SLC6A5: variants seen among roughly 807,000 people sequenced by gnomAD.
SLC6A5 encodes sodium- and chloride-dependent glycine transporter 2.
In SLC6A5, 58 loss-of-function variants were observed where a neutral mutation model predicts 90.5. That is an observed-to-expected ratio of 0.64 (90% CI 0.52 to 0.80). SLC6A5 has a LOEUF of 0.80. Ranked by LOEUF, SLC6A5 falls within the 30% of genes least tolerant of loss-of-function variation. SLC6A5 has a pLI of 0.00. For synonymous variants in SLC6A5, 427 were observed against 401.4 expected, an observed-to-expected ratio of 1.06 and a Z score of -0.76; for missense variants, 1,015 against 1,017.6, an observed-to-expected ratio of 1.00 and a Z score of 0.03.
intron 3 of SLC6A5, among the ~76,000 whole-genome samples, chr11:20,605,168 G>A (rs7123437): frequency 0.97 from 147,084 of 152,186 alleles, 71,295 homozygotes; most frequent in East Asian, 1. Context: ...CCCAGCGTTT[G>A]GGTGCCGCGG....
chr11:20,652,176 G>T, intron 14 of SLC6A5, 113 bp from the exon 15 acceptor site: 2 of 949,862 alleles, frequency 2.1e-6, no homozygotes, highest in Non-Finnish European at 3.4e-6. Context: ...TCTTTCGTGG[G>T]TATAGAATAA....
rs1852422215 is a variant in SLC6A5, at chr11:20,599,759, A to G, written c.3+84A>G. On this transcript the variant is annotated intron_variant, in intron 1 of 15. Transcript: ENST00000525748. ...GATTCGTTTTGGCTATTTCTTTTGGAGATGTCTGTGCATTGGGTGGGGGGA... is the reference window on the plus strand; with the variant it reads ...GATTCGTTTTGGCTATTTCTTTTGGGGATGTCTGTGCATTGGGTGGGGGGA... The G allele has an allele frequency of 4.6e-6, 7 of 1,523,916 alleles. No homozygotes were observed. In the East Asian group the frequency reaches 1.6e-4, roughly 34 times the overall value. The allele number at this position is 1,523,916 out of a possible 1,614,324, so 94.4% of individuals were successfully genotyped here. A position where few individuals can be genotyped will look rare whatever the true frequency, so the allele number is the denominator to read the frequency against.
intron 7 of SLC6A5, among the ~76,000 whole-genome samples, chr11:20,618,598 G>T (rs1852828154): frequency 6.6e-6 from 1 of 152,158 alleles, no homozygotes; most frequent in South Asian, 2.1e-4. Flanking sequence ...GGGCATTGTT[G>T]TAGGGGTCAC....
At chr11:20,649,279 GGGAAGTAA>G (rs1853479092) in intron 14 of SLC6A5, among the ~76,000 whole-genome samples, 1 of 152,162 alleles carries the variant, frequency 6.6e-6, no homozygotes, top group Non-Finnish European at 1.5e-5. Flanking sequence ...TGTGTTGGCT[GGGAAGTAA>G]GGACAATGAG....
chr11:20,616,527 T>C lies in SLC6A5; in HGVS notation c.1128-1225T>C, dbSNP rs145294203. On this transcript the variant is annotated intron_variant, in intron 6 of 15. Coordinates refer to ENST00000525748, the MANE Select transcript of SLC6A5 (RefSeq NM_004211.5). ...TGTTTGAGGTCCTACAATTGAAGCA[T>C]GGAGCAGTTGAGATGGCTAAGTCAT... 1.4e-3 allele frequency among the ~76,000 whole-genome samples: 220 copies of C among 152,338 alleles called. 1 individual carries two copies. The highest frequency in any genetic ancestry group is 5.1e-3 in the African/African-American group (211 of 41,566).
At chr11:20,650,552 G>C (rs1853504721) in intron 14 of SLC6A5, among the ~76,000 whole-genome samples, 1 of 151,922 alleles carries the variant, frequency 6.6e-6, no homozygotes. Context: ...TTATGGCAGG[G>C]AAGTCTGTGA....
rs138843277 is a variant in SLC6A5, at chr11:20,636,024, G to A, written c.1625-283G>A. 1.3e-4 allele frequency among the ~76,000 whole-genome samples: 20 copies of A among 152,288 alleles called. 2 individuals carry two copies. The highest frequency in any genetic ancestry group is 2.2e-4 in the African/African-American group (9 of 41,548). Reference sequence around the variant, plus strand: ...TATGTACATGGTACACAGCCTAGCCGTGGAGTCCAGTAGAGTTGCCTCTGA... The same window carrying A: ...TATGTACATGGTACACAGCCTAGCCATGGAGTCCAGTAGAGTTGCCTCTGA... On this transcript the variant is annotated intron_variant, in intron 10 of 15. Coordinates refer to ENST00000525748, the MANE Select transcript of SLC6A5 (RefSeq NM_004211.5).
At chr11:20,627,888 G>A (rs1853029644) in intron 8 of SLC6A5, 92 bp from the exon 9 acceptor site, 1 of 898,808 alleles carries the variant, frequency 1.1e-6, no homozygotes, top group Admixed American at 1.8e-5. Flanking sequence ...TGTTTCCCCT[G>A]GAAACATGAT....
At chr11:20,652,268 G>A (rs760132447) in intron 14 of SLC6A5, 21 bp from the exon 15 acceptor site, 2 of 1,613,360 alleles carry the variant, frequency 1.2e-6, no homozygotes, top group African/African-American at 2.7e-5. Flanking sequence ...CCTAACACGT[G>A]TGTCACTTTT....
At chr11:20,636,915 G>C (rs1853218561) in intron 11 of SLC6A5, among the ~76,000 whole-genome samples, 1 of 152,090 alleles carries the variant, frequency 6.6e-6, no homozygotes, top group African/African-American at 2.4e-5. Flanking sequence ...AACTTAAACT[G>C]TCCTAATGGG....
rs68111718 is a variant in SLC6A5 at position 20,618,945 on chromosome 11, G to GACACACACACACACACACAC, written c.1260+1077_1260+1096dup. Reference sequence around the variant, plus strand: ...GACAGAGTGAGATCCTGTCCCGCCCGACACACACACACACACACACACACA... The same window carrying GACACACACACACACACACAC: ...GACAGAGTGAGATCCTGTCCCGCCCGACACACACACACACACACACACACACACACACACACACACACACA... On this transcript the variant is annotated intron_variant, in intron 7 of 15. Coordinates refer to ENST00000525748, the MANE Select transcript of SLC6A5 (RefSeq NM_004211.5). Among the ~76,000 whole-genome samples, 556 of 148,754 alleles carry GACACACACACACACACACAC rather than the reference G, an allele frequency of 3.7e-3. 4 individuals carry two copies. The highest frequency in any genetic ancestry group is 7.1e-3 in the Middle Eastern group (2 of 280).
rs1853652756 is a variant in SLC6A5 at position 20,657,604 on chromosome 11, C to G, written c.*2736C>G. 6.6e-6 allele frequency: 1 copy of G among 152,176 alleles called. No homozygotes were observed. The highest frequency in any genetic ancestry group is 2.1e-4 in the South Asian group (1 of 4,826). 9.4% of individuals were successfully genotyped at this position (152,176 alleles called of 1,614,324 possible). ...AATGAATAACATTGTTAGAAACTGG[C>G]ACCTGAAAACTTCCCTTCAAAGTGG... is the stretch of plus-strand genomic sequence containing the variant. On this transcript the variant is annotated 3_prime_UTR_variant, in exon 16 of 16. Transcript: ENST00000525748.
In SLC6A5 at chr11:20,638,499, C is replaced by T. The variant is rs770169307; in HGVS notation, c.1910C>T (p.Ala637Val). ...YMFQLVDTYA[A>V]SYALVIIAIF... ...TTTCAGCTTGTGGACACCTATGCTG[C>T]CTCCTATGCCCTTGTCATCATTGCC... The change falls in exon 13 of 16, where the codon GCC (alanine) becomes GTC (valine). Residue 637 changes from alanine (A) to valine (V), a missense_variant. Around this residue, in one of 3 missense-constraint regions of SLC6A5, gnomAD observed 442 missense variants for 494.3 expected, o/e 0.89. Coordinates refer to ENST00000525748, the MANE Select transcript of SLC6A5 (RefSeq NM_004211.5). 1.1e-5 allele frequency: 17 copies of T among 1,613,422 alleles called. No individual in the cohort carries two copies. Among genetic ancestry groups the T allele is most frequent in the Non-Finnish European group, 1.4e-5 (17 of 1,179,412 alleles).
intron 10 of SLC6A5, among the ~76,000 whole-genome samples, chr11:20,632,329 G>A (rs575789528): frequency 1.3e-5 from 2 of 152,282 alleles, no homozygotes; most frequent in Admixed American, 1.3e-4. Context: ...CTGAGATGTG[G>A]GCCAGGTTAG....
At chr11:20,640,737 T>C (rs1853297511) in intron 13 of SLC6A5, among the ~76,000 whole-genome samples, 1 of 151,536 alleles carries the variant, frequency 6.6e-6, no homozygotes, top group African/African-American at 2.4e-5. Context: ...CACAAATCTG[T>C]AATTTATATC....
intron 14 of SLC6A5, among the ~76,000 whole-genome samples, chr11:20,647,483 A>C (rs1033136854): frequency 5.0e-5 from 7 of 139,404 alleles, no homozygotes; most frequent in African/African-American, 8.0e-5. Flanking sequence ...ATCAGTTCCT[A>C]TATATATATA....
At chr11:20,647,078 A>C (rs1590181264) in intron 14 of SLC6A5, 144 bp downstream of exon 14, 1 of 702,728 alleles carries the variant, frequency 1.4e-6, no homozygotes, top group African/African-American at 1.8e-5. Context: ...TTGTCTTTCA[A>C]ATGAGAAAAC....
At chr11:20,626,555 C>T (rs1480048229) in intron 7 of SLC6A5, among the ~76,000 whole-genome samples, 153 bp from the exon 8 acceptor site, 1 of 152,172 alleles carries the variant, frequency 6.6e-6, no homozygotes, top group Non-Finnish European at 1.5e-5. Context: ...CAGTGCCTTC[C>T]CTGCTTCCCC....
intron 8 of SLC6A5, 102 bp from the exon 9 acceptor site, chr11:20,627,878 T>G (rs1173156625): frequency 1.2e-6 from 1 of 835,964 alleles, no homozygotes; most frequent in Admixed American, 1.8e-5. Context: ...TTGTCCCTGA[T>G]GTTTCCCCTG....
Sources: allele counts gnomAD v4.1 joint callset (sites outside exome capture counted in the v4.1 genomes callset), GRCh38; gene constraint gnomAD v4.1.1; regional missense constraint gnomAD v4.1.1; transcripts MANE v1.5; gene names NCBI Gene and HGNC (gene_info 2026-07-23, HGNC 2026-07-21).